Variants in DNMBP observed in about 807,000 individuals in gnomAD.
DNMBP encodes dynamin-binding protein.
A neutral mutation model predicts 150.0 loss-of-function variants in DNMBP; 87 were observed. The observed-to-expected ratio is 0.58, with a 90% CI of 0.49 to 0.69. DNMBP has a LOEUF of 0.69. Among genes scored for constraint, DNMBP ranks in the 30% least tolerant of loss-of-function variants. The pLI, the probability that DNMBP is intolerant of heterozygous loss-of-function variation, is 0.00. For synonymous variants in DNMBP, 711 were observed against 750.4 expected, an observed-to-expected ratio of 0.95 and a Z score of 0.86; for missense variants, 1,774 against 1,949.0, an observed-to-expected ratio of 0.91 and a Z score of 1.69.
At chr10:99,913,124 C>T (rs1038700427) in intron 4 of DNMBP, among the ~76,000 whole-genome samples, 1 of 151,858 alleles carries the variant, frequency 6.6e-6, no homozygotes, top group African/African-American at 2.4e-5. Flanking sequence ...GTGAGACACC[C>T]GTCTCTAAAA....
chr10:99,895,760 C>T (rs570515247), intron 10 of DNMBP, among the ~76,000 whole-genome samples: 1 of 152,322 alleles, frequency 6.6e-6, no homozygotes, highest in South Asian at 2.1e-4. Context: ...TTCTAAAATA[C>T]TACAGCATTT....
At chr10:99,887,854 C>T (rs11595871) in intron 12 of DNMBP, among the ~76,000 whole-genome samples, 55,316 of 151,926 alleles carry the variant, frequency 0.36, 10,755 homozygotes, top group Middle Eastern at 0.51. Flanking sequence ...GACAGAGTTT[C>T]GCTCTTGTTG....
At chr10:99,989,988 A>G (rs745681985) in intron 1 of DNMBP, among the ~76,000 whole-genome samples, 8 of 152,142 alleles carry the variant, frequency 5.3e-5, no homozygotes, top group Non-Finnish European at 1.2e-4. Flanking sequence ...TGTCTATTTT[A>G]TTCACTGATG....
intron 16 of DNMBP, 63 bp downstream of exon 16, chr10:99,879,748 G>A (rs1304093031): frequency 2.0e-5 from 31 of 1,587,332 alleles, no homozygotes; most frequent in South Asian, 5.8e-5. Flanking sequence ...CCTCACCCCC[G>A]CTGGTACCCA....
At chr10:99,985,766 T>G (rs1191274756) in intron 1 of DNMBP, among the ~76,000 whole-genome samples, 2 of 152,168 alleles carry the variant, frequency 1.3e-5, no homozygotes, top group Non-Finnish European at 2.9e-5. Flanking sequence ...TCTCTTTGTA[T>G]GAAAGGATGA....
At chr10:99,930,301 C>CT (rs1431712892) in intron 4 of DNMBP, 7 of 702,856 alleles carry the variant, frequency 1.0e-5, no homozygotes, top group East Asian at 5.4e-5. Context: ...AACTGTTCAG[C>CT]TTTTTTAGAG....
chr10:99,935,433 T>C (rs373680633), intron 4 of DNMBP, among the ~76,000 whole-genome samples: 122 of 149,124 alleles, frequency 8.2e-4, no homozygotes, highest in African/African-American at 2.5e-3. Context: ...GTCACCCAGG[T>C]TGGAGTGCAG....
chr10:99,911,014 T>C (rs1424019130), intron 4 of DNMBP, among the ~76,000 whole-genome samples: 1 of 151,524 alleles, frequency 6.6e-6, no homozygotes, highest in African/African-American at 2.4e-5. Flanking sequence ...CCGAGGTGGG[T>C]AGATCACTTG....
intron 1 of DNMBP, among the ~76,000 whole-genome samples, chr10:99,990,836 T>C (rs77645032): frequency 0.016 from 1,129 of 71,594 alleles, 15 homozygotes; most frequent in African/African-American, 0.057. Context: ...CATATACATA[T>C]ACACACACAC....
At position 99,956,066 on chromosome 10, in the gene DNMBP, T is replaced by A; in HGVS notation, c.1408A>T (p.Thr470Ser). Residue 470 changes from threonine to serine, a missense_variant, in exon 4 of 17, where the codon ACT becomes TCT. Around this residue, in one of 2 missense-constraint regions of DNMBP, gnomAD observed 1,430 missense variants for 1,492.5 expected, o/e 0.96. Coordinates refer to ENST00000324109, the MANE Select transcript of DNMBP (RefSeq NM_015221.4). ...AGAGGGAGCACTGGCTTCTGAAGAGTTTTTAGCTGGGAATACATTCTTTTG... is the reference window on the plus strand; with the variant it reads ...AGAGGGAGCACTGGCTTCTGAAGAGATTTTAGCTGGGAATACATTCTTTTG... ...PPKRMYSQLK[T>S]LQKPVLPLYR... 1 of 1,613,418 alleles carries A rather than the reference T, an allele frequency of 6.2e-7. No homozygotes were observed. The highest frequency in any genetic ancestry group is 2.2e-5 in the East Asian group (1 of 44,868).
At position 99,883,638 on chromosome 10, in the gene DNMBP, C is replaced by CAAAAAAAAAAAA. The variant is rs71009782; in HGVS notation, c.3997+361_3997+372dup. 5.0e-4 allele frequency among the ~76,000 whole-genome samples: 33 copies of CAAAAAAAAAAAA among 65,620 alleles called. 1 individual carries two copies. The highest frequency in any genetic ancestry group is 1.5e-3 in the African/African-American group (30 of 20,104). The allele number at this position is 65,620 out of a possible 152,430, so 43.0% of individuals were successfully genotyped here. ...CCTGGATAACAGAGCAAGACTGCCA[C>CAAAAAAAAAAAA]AAAAAAAAAAAAAAAAAAAAAAAAA... is the stretch of plus-strand genomic sequence containing the variant. On this transcript the variant is annotated intron_variant, in intron 15 of 16. Transcript: ENST00000324109.
chr10:99,946,200 C>T (rs751466573), intron 4 of DNMBP, among the ~76,000 whole-genome samples: 1 of 152,248 alleles, frequency 6.6e-6, no homozygotes, highest in Non-Finnish European at 1.5e-5. Context: ...TCAAGTCATC[C>T]ATCCGCCTCG....
In DNMBP at chr10:99,974,114, C is replaced by A. The variant is rs187012891; in HGVS notation, c.-10-1980G>T. 2.6e-5 allele frequency among the ~76,000 whole-genome samples: 4 copies of A among 152,158 alleles called. No individual in the cohort carries two copies. The East Asian group carries it at 7.7e-4, about 29-fold the overall frequency. On this transcript the variant is annotated intron_variant, in intron 1 of 16. Coordinates refer to ENST00000324109, the MANE Select transcript of DNMBP (RefSeq NM_015221.4). ...GACCAACGTGGGCAACACAGCACGA[C>A]TTCACCTCTATTTTATAAAAAAAAA... is the stretch of plus-strand genomic sequence containing the variant.
chr10:99,905,663 G>A (rs2039816970), intron 6 of DNMBP, among the ~76,000 whole-genome samples: 1 of 152,234 alleles, frequency 6.6e-6, no homozygotes, highest in African/African-American at 2.4e-5. Context: ...TTCTAGCCTA[G>A]GCAGCAGAGC....
chr10:99,899,394 G>A (rs543170318), intron 7 of DNMBP, among the ~76,000 whole-genome samples: 2 of 152,062 alleles, frequency 1.3e-5, no homozygotes, highest in Non-Finnish European at 2.9e-5. Context: ...TTGAGGTCAG[G>A]AGTTTGAGAC....
intron 2 of DNMBP, among the ~76,000 whole-genome samples, chr10:99,969,849 T>C (rs962496449): frequency 1.3e-5 from 2 of 152,200 alleles, no homozygotes; most frequent in African/African-American, 4.8e-5. Flanking sequence ...CCTGGATTAC[T>C]GCAGCGACCT....
At chr10:100,008,971 A>G (rs111651421) in intron 1 of DNMBP, among the ~76,000 whole-genome samples, 153 of 152,338 alleles carry the variant, frequency 1.0e-3, no homozygotes, top group African/African-American at 3.5e-3. Flanking sequence ...CACATACTAC[A>G]GCATCATTAG....
At chr10:99,967,559 C>T (rs1249015508) in intron 3 of DNMBP, among the ~76,000 whole-genome samples, 1 of 151,984 alleles carries the variant, frequency 6.6e-6, no homozygotes, top group Non-Finnish European at 1.5e-5. Flanking sequence ...CAAAATAAAA[C>T]AAAATCTAAA....
intron 3 of DNMBP, among the ~76,000 whole-genome samples, chr10:99,967,257 T>G (rs1175366263): frequency 6.6e-6 from 1 of 151,960 alleles, no homozygotes; most frequent in African/African-American, 2.4e-5. Flanking sequence ...AAAATTTGTA[T>G]AATAAAAAAT....
Sources: allele counts gnomAD v4.1 joint callset (sites outside exome capture counted in the v4.1 genomes callset), GRCh38; gene constraint gnomAD v4.1.1; regional missense constraint gnomAD v4.1.1; transcripts MANE v1.5; gene names NCBI Gene and HGNC (gene_info 2026-07-23, HGNC 2026-07-21).